Variants in SEMA3E observed in about 807,000 individuals in gnomAD.
SEMA3E encodes the protein semaphorin-3E.
In SEMA3E, 49 loss-of-function variants were observed where a neutral mutation model predicts 93.6. That is an observed-to-expected ratio of 0.52 (90% confidence interval 0.42 to 0.66). The LOEUF (loss-of-function observed/expected upper bound fraction) is 0.66, where lower values mean the gene tolerates loss of function less well. Among genes scored for constraint, SEMA3E ranks in the 30% least tolerant of loss-of-function variants. SEMA3E has a pLI of 0.00. For synonymous variants in SEMA3E, 363 were observed against 330.7 expected (o/e 1.10, Z -1.06); for missense variants, 906 against 964.8 (o/e 0.94, Z 0.81).
chr7:83,382,662 CTTA>C (rs1406443398), intron 16 of SEMA3E, among the ~76,000 whole-genome samples: 1 of 151,216 alleles, frequency 6.6e-6, no homozygotes. Context: ...TTCTTAATAA[CTTA>C]TTATTACTTA....
chr7:83,572,969 G>A (rs1370182998), intron 1 of SEMA3E, among the ~76,000 whole-genome samples: 2 of 152,096 alleles, frequency 1.3e-5, no homozygotes, highest in African/African-American at 4.8e-5. Context: ...TTGATATCAG[G>A]TTTGGTAAAG....
intron 14 of SEMA3E, among the ~76,000 whole-genome samples, chr7:83,387,708 G>T (rs1230368847): frequency 2.0e-5 from 3 of 150,480 alleles, no homozygotes; most frequent in Non-Finnish European, 3.0e-5. Context: ...CCCTCAATCT[G>T]CCTCGTATAA....
chr7:83,472,913 G>T (rs1192044563), intron 2 of SEMA3E, among the ~76,000 whole-genome samples: 1 of 152,138 alleles, frequency 6.6e-6, no homozygotes, highest in Admixed American at 6.5e-5. Flanking sequence ...GCTTGGCACT[G>T]CTCCTTCCTG....
At chr7:83,622,385 A>G (rs1793581659) in intron 1 of SEMA3E, among the ~76,000 whole-genome samples, 1 of 152,164 alleles carries the variant, frequency 6.6e-6, no homozygotes, top group Admixed American at 6.6e-5. Flanking sequence ...GTTAGTGGAA[A>G]TGTAAATTAG....
rs1794629617 is a variant in SEMA3E at position 83,364,101 on chromosome 7, A to G, written c.*3485T>C. 1 of 150,444 alleles carries G rather than the reference A, an allele frequency of 6.6e-6. No homozygotes were observed. The highest frequency in any genetic ancestry group is 2.4e-5 in the African/African-American group (1 of 40,938). The allele number at this position is 150,444 out of a possible 1,614,324, so 9.3% of individuals were successfully genotyped here. A position where few individuals can be genotyped will look rare whatever the true frequency, so the allele number is the denominator to read the frequency against. On this transcript the variant is annotated 3_prime_UTR_variant, in exon 17 of 17. Transcript: ENST00000643230. ...AGTAGAGACGGGGTTTCACCTTGTTAGCCAGGATGGTCTCGATCTCCTGAC... is the reference window on the plus strand; with the variant it reads ...AGTAGAGACGGGGTTTCACCTTGTTGGCCAGGATGGTCTCGATCTCCTGAC...
intron 1 of SEMA3E, among the ~76,000 whole-genome samples, chr7:83,579,960 T>C (rs1792485795): frequency 6.6e-6 from 1 of 152,204 alleles, no homozygotes; most frequent in Middle Eastern, 3.4e-3. Context: ...CTTGGGAACA[T>C]GGCAAATGTT....
chr7:83,473,080 G>A (rs1047959983), intron 2 of SEMA3E, among the ~76,000 whole-genome samples: 5 of 152,134 alleles, frequency 3.3e-5, no homozygotes, highest in African/African-American at 7.2e-5. Flanking sequence ...GTATGAAAAC[G>A]GACTAATACC....
chr7:83,521,730 T>C (rs1791053462), intron 1 of SEMA3E, among the ~76,000 whole-genome samples: 1 of 152,076 alleles, frequency 6.6e-6, no homozygotes, highest in Non-Finnish European at 1.5e-5. Context: ...AGAGAAAGTG[T>C]CTGGTGTTGT....
intron 1 of SEMA3E, among the ~76,000 whole-genome samples, chr7:83,491,222 T>A (rs1477440956): frequency 2.0e-5 from 3 of 152,100 alleles, no homozygotes; most frequent in African/African-American, 7.2e-5. Flanking sequence ...CTGTGCCCAC[T>A]CTTACACTTT....
At chr7:83,604,949 G>GA (rs960306113) in intron 1 of SEMA3E, among the ~76,000 whole-genome samples, 1 of 152,096 alleles carries the variant, frequency 6.6e-6, no homozygotes, top group Non-Finnish European at 1.5e-5. Flanking sequence ...CCACGTCCCT[G>GA]AAAAGGACAT....
intron 1 of SEMA3E, among the ~76,000 whole-genome samples, chr7:83,589,069 C>A (rs569807274): frequency 1.3e-5 from 2 of 152,158 alleles, no homozygotes; most frequent in Non-Finnish European, 2.9e-5. Flanking sequence ...GTTCAATTAA[C>A]TATTAGATTA....
At chr7:83,545,852 C>T (rs1054065389) in intron 1 of SEMA3E, among the ~76,000 whole-genome samples, 8 of 144,490 alleles carry the variant, frequency 5.5e-5, no homozygotes, top group South Asian at 2.1e-4. Context: ...AGTAGTATGA[C>T]GGATATCTAT....
At position 83,392,676 on chromosome 7, in the gene SEMA3E, A is replaced by C; in HGVS notation, c.1546T>G (p.Phe516Val). 5 of 1,613,908 alleles carry C rather than the reference A, an allele frequency of 3.1e-6. No homozygotes were observed. The highest frequency in any genetic ancestry group is 4.2e-6 in the Non-Finnish European group (5 of 1,179,878). The part of the protein sequence containing the change: ...GSASAVAQVR[F>V]HHCDMYGSAC... Reference sequence around the variant, plus strand: ...CTTCCATACATGTCACAGTGATGGAATCTGACTTGAGCCACAGCAGAAGCA... The same window carrying C: ...CTTCCATACATGTCACAGTGATGGACTCTGACTTGAGCCACAGCAGAAGCA... Residue 516 changes from phenylalanine to valine, a missense_variant, in exon 14 of 17, where the codon TTC becomes GTC. Transcript: ENST00000643230.
chr7:83,590,826 A>G (rs556991846), intron 1 of SEMA3E, among the ~76,000 whole-genome samples: 2 of 152,204 alleles, frequency 1.3e-5, no homozygotes, highest in East Asian at 3.9e-4. Context: ...TATGATCGCA[A>G]AACTGCTGCT....
At chr7:83,554,022 C>T (rs975753206) in intron 1 of SEMA3E, among the ~76,000 whole-genome samples, 3 of 151,692 alleles carry the variant, frequency 2.0e-5, no homozygotes, top group African/African-American at 7.3e-5. Context: ...ATTCAAAAGC[C>T]CATTTATCTG....
chr7:83,406,079 G>C lies in SEMA3E; in HGVS notation c.814-20C>G. The C allele has an allele frequency of 6.5e-7, 1 of 1,527,866 alleles. No individual in the cohort carries two copies. Among genetic ancestry groups the C allele is most frequent in the Non-Finnish European group, 9.1e-7 (1 of 1,101,852 alleles). 94.6% of individuals were successfully genotyped at this position (1,527,866 alleles called of 1,614,324 possible). ...ATCATTCTGTGAAAACCAAAAAGGAGGTAAATAGTTACCTAAAGAATTTCG... is the reference window on the plus strand; with the variant it reads ...ATCATTCTGTGAAAACCAAAAAGGACGTAAATAGTTACCTAAAGAATTTCG... On this transcript the variant is annotated intron_variant, in intron 7 of 16. Coordinates refer to ENST00000643230, the MANE Select transcript of SEMA3E (RefSeq NM_012431.3).
intron 1 of SEMA3E, among the ~76,000 whole-genome samples, chr7:83,606,247 T>C (rs1793114886): frequency 6.6e-6 from 1 of 152,220 alleles, no homozygotes; most frequent in South Asian, 2.1e-4. Context: ...CTTTCTGTCA[T>C]GGTGACCTAG....
chr7:83,385,653 T>C (rs540281285), intron 15 of SEMA3E, among the ~76,000 whole-genome samples: 87 of 152,190 alleles, frequency 5.7e-4, no homozygotes, highest in Admixed American at 2.6e-3. Context: ...AGTAGGTAAC[T>C]GAGAGTCTGG....
chr7:83,533,246 C>A (rs1791341375), intron 1 of SEMA3E, among the ~76,000 whole-genome samples: 1 of 152,024 alleles, frequency 6.6e-6, no homozygotes, highest in Admixed American at 6.6e-5. Flanking sequence ...GGAATTAAAA[C>A]AAGCAAAACA....
Sources: allele counts gnomAD v4.1 joint callset (sites outside exome capture counted in the v4.1 genomes callset), GRCh38; gene constraint gnomAD v4.1.1; transcripts MANE v1.5; gene names NCBI Gene and HGNC (gene_info 2026-07-23, HGNC 2026-07-21).